LRP1B: variants seen among roughly 807,000 people sequenced by gnomAD.
The protein encoded by LRP1B is low-density lipoprotein receptor-related protein 1B.
LRP1B carries 217 observed loss-of-function variants against 556.6 expected under a neutral mutation model. That is an observed-to-expected ratio of 0.39 (90% confidence interval 0.35 to 0.44). LRP1B has a LOEUF of 0.44. Ranked by LOEUF, LRP1B falls within the 20% of genes least tolerant of loss-of-function variation. The probability of loss-of-function intolerance (pLI) is 1.00; values close to 1 mark genes in which losing one functional copy is unlikely to be tolerated. For synonymous variants in LRP1B, 2,047 were observed against 1,865.8 expected (o/e 1.10, Z -2.50); for missense variants, 5,053 against 5,620.8 (o/e 0.90, Z 3.23).
chr2:142,112,810 T>G (rs1707050684), intron 1 of LRP1B, among the ~76,000 whole-genome samples: 1 of 152,130 alleles, frequency 6.6e-6, no homozygotes. Flanking sequence ...TGAATATGTA[T>G]GTACACACAA....
chr2:140,778,058 T>C (rs62173595), intron 32 of LRP1B, among the ~76,000 whole-genome samples: 65,861 of 135,662 alleles, frequency 0.49, 15,715 homozygotes, highest in East Asian at 0.73. Flanking sequence ...ATTACCTTAA[T>C]TGATCAATAA....
At chr2:141,680,603 CTG>C (rs1364432162) in intron 2 of LRP1B, among the ~76,000 whole-genome samples, 5 of 152,086 alleles carry the variant, frequency 3.3e-5, no homozygotes, top group Non-Finnish European at 5.9e-5. Context: ...ACTTAGGACT[CTG>C]TGACAAAATG....
chr2:140,294,380 T>C (rs1683518437), intron 84 of LRP1B, among the ~76,000 whole-genome samples: 2 of 152,258 alleles, frequency 1.3e-5, no homozygotes, highest in Admixed American at 1.3e-4. Flanking sequence ...TATGTATTTA[T>C]TTGTGTGATT....
At position 142,130,905 on chromosome 2, in the gene LRP1B, A is replaced by T; in HGVS notation, c.-176T>A. 1 of 660,354 alleles carries T rather than the reference A, an allele frequency of 1.5e-6. No individual in the cohort carries two copies. Among genetic ancestry groups the T allele is most frequent in the Non-Finnish European group, 2.7e-6 (1 of 365,696 alleles). 40.9% of individuals were successfully genotyped at this position (660,354 alleles called of 1,614,324 possible). ...AGCCAGTCAGCCTTCTCCTGCCTGG[A>T]GCAGGATGTGGAAGGTGGAGGGATG... On this transcript the variant is annotated 5_prime_UTR_variant, in exon 1 of 91. Coordinates refer to ENST00000389484, the MANE Select transcript of LRP1B (RefSeq NM_018557.3).
Position 140,270,232 on chromosome 2 carries a change from A to G in LRP1B, c.13247+10T>C. 6.2e-7 allele frequency: 1 copy of G among 1,600,686 alleles called. No homozygotes were observed. Among genetic ancestry groups the G allele is most frequent in the Non-Finnish European group, 8.6e-7 (1 of 1,168,492 alleles). On this transcript the variant is annotated intron_variant, in intron 86 of 90. Coordinates refer to ENST00000389484, the MANE Select transcript of LRP1B (RefSeq NM_018557.3). ...ATTATAAGATGCCCATGACTTGATT[A>G]AATACTCACAGACACACAGGTACAT...
intron 35 of LRP1B, among the ~76,000 whole-genome samples, chr2:140,767,137 G>A (rs1689148995): frequency 6.6e-6 from 1 of 151,630 alleles, no homozygotes; most frequent in African/African-American, 2.4e-5. Context: ...ATGTTTCACT[G>A]GCCTGTAGAT....
chr2:140,421,148 G>A (rs191021440), intron 66 of LRP1B, among the ~76,000 whole-genome samples: 4 of 152,062 alleles, frequency 2.6e-5, no homozygotes, highest in East Asian at 3.9e-4. Flanking sequence ...CCATCCACTC[G>A]GGAGGCTGAG....
intron 2 of LRP1B, among the ~76,000 whole-genome samples, chr2:141,687,098 A>T (rs978574814): frequency 4.6e-5 from 7 of 152,062 alleles, no homozygotes; most frequent in Non-Finnish European, 8.8e-5. Flanking sequence ...CTAAAAGTAT[A>T]AAAACTCAGA....
In LRP1B at chr2:140,850,105, T is replaced by C. The variant is rs202024247; in HGVS notation, c.4936A>G (p.Arg1646Gly). The C allele has an allele frequency of 6.3e-7, 1 of 1,592,400 alleles. No homozygotes were observed. Among genetic ancestry groups the C allele is most frequent in the Admixed American group, 1.7e-5 (1 of 59,668 alleles). Residue 1646 changes from arginine (R) to glycine (G), a missense_variant, in exon 29 of 91, where the codon AGA becomes GGA. By Grantham distance (125) the Arg-to-Gly change is moderately radical. This residue lies in a region of LRP1B where 3,619 missense variants were observed against 3,931.9 expected (regional missense o/e 0.92). Coordinates refer to ENST00000389484, the MANE Select transcript of LRP1B (RefSeq NM_018557.3). The stretch of plus-strand genomic sequence containing the variant: ...GTAACATGTACGAATCTTTTACCTC[T>C]TGAAATAACAGTTTCTAACCCAGTT... ...NGTGLETVIS[R>G]DIQSIRGLAV...
intron 43 of LRP1B, among the ~76,000 whole-genome samples, chr2:140,560,564 T>C (rs1424975978): frequency 6.6e-6 from 1 of 152,030 alleles, no homozygotes; most frequent in African/African-American, 2.4e-5. Context: ...ATACATTTAC[T>C]AAAATATGTA....
chr2:141,289,385 A>C (rs1327107804), intron 3 of LRP1B, among the ~76,000 whole-genome samples: 3 of 149,002 alleles, frequency 2.0e-5, no homozygotes, highest in African/African-American at 7.4e-5. Flanking sequence ...CCATCTCAAA[A>C]AAAAAAAAAA....
At chr2:141,106,379 T>A (rs981445564) in intron 7 of LRP1B, among the ~76,000 whole-genome samples, 1 of 152,196 alleles carries the variant, frequency 6.6e-6, no homozygotes, top group African/African-American at 2.4e-5. Flanking sequence ...CAGATATTTT[T>A]AAATCATTTT....
intron 21 of LRP1B, among the ~76,000 whole-genome samples, chr2:140,908,726 A>G (rs922990065): frequency 6.6e-6 from 1 of 152,134 alleles, no homozygotes; most frequent in Non-Finnish European, 1.5e-5. Context: ...GAAGAAAAAA[A>G]TAATTATTGT....
At chr2:141,961,764 T>C (rs1408398038) in intron 1 of LRP1B, among the ~76,000 whole-genome samples, 1 of 151,744 alleles carries the variant, frequency 6.6e-6, no homozygotes, top group Non-Finnish European at 1.5e-5. Context: ...GTAATGTATA[T>C]TTGCCTTTAA....
intron 84 of LRP1B, among the ~76,000 whole-genome samples, chr2:140,290,688 C>T (rs1269463206): frequency 6.6e-6 from 1 of 152,036 alleles, no homozygotes; most frequent in South Asian, 2.1e-4. Flanking sequence ...TTTAGCTGGG[C>T]CTGCCATAAG....
chr2:141,036,019 G>A (rs766470710), intron 11 of LRP1B, among the ~76,000 whole-genome samples: 1 of 152,068 alleles, frequency 6.6e-6, no homozygotes, highest in Non-Finnish European at 1.5e-5. Flanking sequence ...TGCTTAAGAT[G>A]CAATGCAGAA....
rs1690352286 is a variant in LRP1B, at chr2:140,797,345, T to C, written c.5359+16312A>G. On this transcript the variant is annotated intron_variant, in intron 32 of 90. Transcript: ENST00000389484. ...ACATAAATAATTCACGCTTTAATTT[T>C]AGAATATTTGAAATTGAAACAACAA... Among the ~76,000 whole-genome samples the C allele has an allele frequency of 1.3e-5, 2 of 152,094 alleles. 1 individual carries two copies. Among genetic ancestry groups the C allele is most frequent in the Admixed American group, 1.3e-4 (2 of 15,250 alleles).
intron 1 of LRP1B, among the ~76,000 whole-genome samples, chr2:142,023,323 T>C (rs1703402883): frequency 6.6e-6 from 1 of 152,222 alleles, no homozygotes; most frequent in South Asian, 2.1e-4. Flanking sequence ...TTCTCATTTA[T>C]TGGTATCCGC....
intron 66 of LRP1B, among the ~76,000 whole-genome samples, chr2:140,427,263 G>C (rs1685701895): frequency 6.6e-6 from 1 of 152,118 alleles, no homozygotes; most frequent in African/African-American, 2.4e-5. Flanking sequence ...CGTTCCCTTG[G>C]TGGCAAGTCA....
Sources: gnomAD v4.1 joint callset for allele counts (sites outside exome capture counted in the v4.1 genomes callset) on GRCh38, gnomAD v4.1.1 for gene constraint, gnomAD v4.1.1 regional missense constraint, MANE v1.5 for transcripts, NCBI Gene and HGNC (gene_info 2026-07-23, HGNC 2026-07-21) for gene names.